The following PGPEP1L variants were observed in gnomAD, a reference collection of about 807,000 sequenced individuals.
PGPEP1L encodes pyroglutamyl-peptidase I like.
A neutral mutation model predicts 6.0 loss-of-function variants in PGPEP1L; 7 were observed. The observed-to-expected ratio is 1.17, with a 90% CI of 0.66 to 2.19. The LOEUF (loss-of-function observed/expected upper bound fraction) is 2.19. PGPEP1L is among the 30% of genes most tolerant of loss of function. The pLI, the probability that PGPEP1L is intolerant of heterozygous loss-of-function variation, is 0.00. For synonymous variants in PGPEP1L, 103 were observed against 83.9 expected, an observed-to-expected ratio of 1.23 and a Z score of -1.24; for missense variants, 209 against 192.5, an observed-to-expected ratio of 1.09 and a Z score of -0.51.
chr15:98,968,645 C>T lies in PGPEP1L; in HGVS notation c.262G>A (p.Ala88Thr), dbSNP rs372911670. 15 of 1,595,012 alleles carry T rather than the reference C, an allele frequency of 9.4e-6. No individual in the cohort carries two copies. The highest frequency in any genetic ancestry group is 5.4e-5 in the African/African-American group (4 of 74,686). ...AGTGGAGGGACATGGATGAGTGCCG[C>T]GCAGCCCTTTCCATGATGCAGAGAC... ...YLSLHHGKGC[A>T]ALIHVPPLSR... The change falls in exon 5 of 5, where the codon GCG (alanine) becomes ACG (threonine). Residue 88 changes from alanine to threonine, a missense_variant. Ala to Thr is a moderately conservative substitution (Grantham distance 58). Coordinates refer to ENST00000535714, the MANE Select transcript of PGPEP1L (RefSeq NM_001167902.2).
In PGPEP1L at chr15:98,979,047, A is replaced by T. The variant is rs1035541021; in HGVS notation, c.-141-7889T>A. Among the ~76,000 whole-genome samples, 596 of 130,174 alleles carry T rather than the reference A, an allele frequency of 4.6e-3. 9 individuals are homozygous for T. Among genetic ancestry groups the T allele is most frequent in the African/African-American group, 0.015 (463 of 31,898 alleles). The allele number at this position is 130,174 out of a possible 152,430, so 85.4% of individuals were successfully genotyped here. On this transcript the variant is annotated intron_variant, in intron 2 of 4. Transcript: ENST00000535714. The stretch of plus-strand genomic sequence containing the variant: ...CTGGCTACAGGATATATATATATAT[A>T]TATTTTTATTACATTTATGGCAGCA...
Position 98,968,446 on chromosome 15 carries a change from A to C in PGPEP1L, c.*32T>G, listed in dbSNP as rs373822356. On this transcript the variant is annotated 3_prime_UTR_variant, in exon 5 of 5. Transcript: ENST00000535714. ...TGAGTGCTACATACAGGATTGAAAC[A>C]TTCAATTTTCTCTAGAGGAGCAATC... 51 of 1,592,592 alleles carry C rather than the reference A, an allele frequency of 3.2e-5. No individual in the cohort carries two copies. In the African/African-American group the frequency reaches 6.6e-4, roughly 20 times the overall value.
At chr15:98,987,165 C>CAAA (rs57923635) in intron 2 of PGPEP1L, among the ~76,000 whole-genome samples, 827 of 33,184 alleles carry the variant, frequency 0.025, 90 homozygotes, top group African/African-American at 0.05. Context: ...GACTCCATCT[C>CAAA]AAAAAAAAAA....
intron 2 of PGPEP1L, among the ~76,000 whole-genome samples, chr15:98,997,374 T>C (rs558704735): frequency 1.2e-4 from 18 of 152,314 alleles, no homozygotes; most frequent in Non-Finnish European, 2.1e-4. Flanking sequence ...TTTTGCTGCA[T>C]TTTCAGCTTG....
chr15:99,006,439 G>A (rs1253889438), intron 1 of PGPEP1L, among the ~76,000 whole-genome samples: 3 of 152,244 alleles, frequency 2.0e-5, no homozygotes, highest in Non-Finnish European at 1.5e-5. Flanking sequence ...TAATGTGTCA[G>A]AATAACTGAA....
At chr15:98,981,512 A>C (rs887841461) in intron 2 of PGPEP1L, among the ~76,000 whole-genome samples, 1 of 139,760 alleles carries the variant, frequency 7.2e-6, no homozygotes, top group South Asian at 2.2e-4. Context: ...AAAAACAAAA[A>C]CAAAACAAAA....
At chr15:98,991,853 C>A (rs1381685302) in intron 2 of PGPEP1L, among the ~76,000 whole-genome samples, 1 of 151,802 alleles carries the variant, frequency 6.6e-6, no homozygotes, top group African/African-American at 2.4e-5. Context: ...AAGACAAAAA[C>A]CATGATTATC....
chr15:98,999,585 G>A (rs1408799993), intron 2 of PGPEP1L, among the ~76,000 whole-genome samples: 1 of 152,142 alleles, frequency 6.6e-6, no homozygotes, highest in Non-Finnish European at 1.5e-5. Context: ...TTATCTCAGA[G>A]AAATGAAAAC....
At chr15:98,974,620 G>A (rs2017542842) in intron 2 of PGPEP1L, among the ~76,000 whole-genome samples, 1 of 152,110 alleles carries the variant, frequency 6.6e-6, no homozygotes, top group Non-Finnish European at 1.5e-5. Flanking sequence ...TGAGGGGCCG[G>A]GCGCGGTGGC....
At chr15:98,975,153 G>A (rs1459250468) in intron 2 of PGPEP1L, among the ~76,000 whole-genome samples, 1 of 152,142 alleles carries the variant, frequency 6.6e-6, no homozygotes. Context: ...AAAAAGAATG[G>A]AATCCTGTCA....
intron 2 of PGPEP1L, among the ~76,000 whole-genome samples, chr15:98,992,028 G>C (rs782405175): frequency 3.3e-5 from 5 of 152,166 alleles, no homozygotes; most frequent in Non-Finnish European, 7.3e-5. Context: ...AATTCCCTTT[G>C]AAAACCAGCA....
intron 2 of PGPEP1L, among the ~76,000 whole-genome samples, chr15:98,989,210 C>T (rs1049363432): frequency 1.3e-5 from 2 of 152,016 alleles, no homozygotes; most frequent in Admixed American, 1.3e-4. Flanking sequence ...ATGTTCTAAC[C>T]CAATGTAAGG....
chr15:99,002,207 G>T (rs557134145), intron 2 of PGPEP1L, among the ~76,000 whole-genome samples: 1 of 152,014 alleles, frequency 6.6e-6, no homozygotes, highest in Admixed American at 6.6e-5. Flanking sequence ...GGTTTCCCAG[G>T]CTGCCCTCGA....
In PGPEP1L at chr15:98,968,481, G is replaced by A. The variant is rs2017435678; in HGVS notation, c.426C>T (p.Asn142=). Reference sequence around the variant, plus strand: ...CTCTAGAGGAGCAATCCCCCGGTCAGTTCCCTTTGGCTGGAAGGACCATGG... The same window carrying A: ...CTCTAGAGGAGCAATCCCCCGGTCAATTCCCTTTGGCTGGAAGGACCATGG... ...NSTMVLPAKG[N] is the part of the protein sequence containing the mutation. The change falls in exon 5 of 5, where the codon AAC becomes AAT. Residue 142 remains asparagine (N), a synonymous_variant. Coordinates refer to ENST00000535714, the MANE Select transcript of PGPEP1L (RefSeq NM_001167902.2). 3 of 1,612,698 alleles carry A rather than the reference G, an allele frequency of 1.9e-6. No individual in the cohort carries two copies. Among genetic ancestry groups the A allele is most frequent in the Non-Finnish European group, 1.7e-6 (2 of 1,179,420 alleles).
At chr15:99,002,448 TGTG>T (rs1413891661) in intron 2 of PGPEP1L, among the ~76,000 whole-genome samples, 8 of 152,250 alleles carry the variant, frequency 5.3e-5, no homozygotes, top group Middle Eastern at 3.4e-3. Context: ...GTATCTTGAT[TGTG>T]GTGGTGGTGA....
At chr15:99,004,013 T>C (rs1263203415) in intron 2 of PGPEP1L, among the ~76,000 whole-genome samples, 1 of 148,154 alleles carries the variant, frequency 6.7e-6, no homozygotes, top group Non-Finnish European at 1.5e-5. Context: ...TCTGAAAAGA[T>C]TAAGCGACAC....
intron 2 of PGPEP1L, among the ~76,000 whole-genome samples, chr15:98,979,608 A>C (rs919698594): frequency 8.2e-5 from 12 of 146,372 alleles, no homozygotes; most frequent in Admixed American, 2.7e-4. Flanking sequence ...CATTTATAGC[A>C]ACCTGGATGG....
intron 2 of PGPEP1L, among the ~76,000 whole-genome samples, chr15:98,981,662 A>G (rs1172459670): frequency 6.6e-6 from 1 of 152,198 alleles, no homozygotes; most frequent in Non-Finnish European, 1.5e-5. Context: ...AGGGAACCCA[A>G]ATAGACTATG....
chr15:98,971,203 GGGGGGGGT>G (rs201352743), intron 2 of PGPEP1L, 45 bp from the exon 3 acceptor site: 386,317 of 906,404 alleles, frequency 0.43, 59,744 homozygotes, highest in Non-Finnish European at 0.46. Context: ...ATGGGGGGGG[GGGGGGGGT>G]GGGCACCAAG....
Sources: gnomAD v4.1 joint callset for allele counts (sites outside exome capture counted in the v4.1 genomes callset) on GRCh38, gnomAD v4.1.1 for gene constraint, MANE v1.5 for transcripts, NCBI Gene and HGNC (gene_info 2026-07-23, HGNC 2026-07-21) for gene names.